The following CHN1 variants were observed in gnomAD, a reference collection of about 807,000 sequenced individuals.
The protein encoded by CHN1 is N-chimaerin.
A neutral mutation model predicts 59.5 loss-of-function variants in CHN1; 37 were observed. The observed-to-expected ratio is 0.62, with a 90% confidence interval of 0.48 to 0.82. The LOEUF is 0.82. Among genes scored for constraint, CHN1 ranks in the 40% least tolerant of loss-of-function variants. The pLI, the probability that CHN1 is intolerant of heterozygous loss-of-function variation, is 0.00. For missense variants in CHN1, 469 were observed against 571.0 expected (o/e 0.82, Z 1.82); for synonymous variants, 206 against 200.4 (o/e 1.03, Z -0.24).
chr2:174,958,271 C>A (rs1396119599), intron 1 of CHN1, among the ~76,000 whole-genome samples: 1 of 152,194 alleles, frequency 6.6e-6, no homozygotes, highest in African/African-American at 2.4e-5. Flanking sequence ...CTGTCCTGTG[C>A]CTGTCTTCCC....
At chr2:174,936,278 C>T (rs1489719729) in intron 3 of CHN1, among the ~76,000 whole-genome samples, 1 of 152,138 alleles carries the variant, frequency 6.6e-6, no homozygotes, top group Non-Finnish European at 1.5e-5. Flanking sequence ...CACTACATTT[C>T]CCACTGTGTG....
chr2:174,915,377 C>T (rs987645756), intron 4 of CHN1: 3 of 549,166 alleles, frequency 5.5e-6, no homozygotes, highest in African/African-American at 3.8e-5. Context: ...ATAAGAACAG[C>T]ACCAAAGTAC....
At chr2:174,811,732 A>C in intron 9 of CHN1, 144 bp from the exon 10 acceptor site, 2 of 554,320 alleles carry the variant, frequency 3.6e-6, no homozygotes, top group Admixed American at 6.9e-5. Context: ...TCCTAGAATA[A>C]AACGATTTCA....
intron 10 of CHN1, chr2:174,811,268 C>T: frequency 2.7e-6 from 1 of 367,990 alleles, no homozygotes; most frequent in South Asian, 4.9e-5. Flanking sequence ...GAACATGGAC[C>T]AGCCTTGGAT....
At chr2:174,962,018 G>A (rs1025364088) in intron 1 of CHN1, among the ~76,000 whole-genome samples, 4 of 152,132 alleles carry the variant, frequency 2.6e-5, no homozygotes, top group Non-Finnish European at 5.9e-5. Context: ...CAGGCGCGGT[G>A]GCTCACGCCT....
intron 7 of CHN1, among the ~76,000 whole-genome samples, chr2:174,843,063 C>A (rs546665720): frequency 1.3e-5 from 2 of 152,090 alleles, no homozygotes; most frequent in African/African-American, 2.4e-5. Context: ...AGTAGCCTAG[C>A]TTCTGTCGTT....
chr2:174,920,952 T>C (rs560873191), intron 3 of CHN1: 53 of 429,270 alleles, frequency 1.2e-4, no homozygotes, highest in African/African-American at 6.4e-4. Flanking sequence ...TCATCAAGCA[T>C]TGGATTCTCA....
At chr2:174,978,944 T>C (rs1266946727) in intron 1 of CHN1, among the ~76,000 whole-genome samples, 2 of 152,230 alleles carry the variant, frequency 1.3e-5, no homozygotes, top group African/African-American at 2.4e-5. Context: ...CATTCACTCC[T>C]TCATTCATCC....
intron 5 of CHN1, among the ~76,000 whole-genome samples, chr2:174,896,317 C>T (rs1490852480): frequency 6.6e-6 from 1 of 152,088 alleles, no homozygotes; most frequent in African/African-American, 2.4e-5. Context: ...ACATCTTTAT[C>T]TGTATTCTCC....
At chr2:174,905,549 C>A (rs748567222) in intron 5 of CHN1, among the ~76,000 whole-genome samples, 1 of 151,844 alleles carries the variant, frequency 6.6e-6, no homozygotes, top group Admixed American at 6.6e-5. Flanking sequence ...AAAAACCATG[C>A]TGAGGATAAA....
chr2:174,864,768 T>A (rs1687166323), intron 6 of CHN1, among the ~76,000 whole-genome samples: 1 of 151,964 alleles, frequency 6.6e-6, no homozygotes, highest in Non-Finnish European at 1.5e-5. Context: ...GAGGCTCAGG[T>A]AGGAGGATTG....
intron 1 of CHN1, among the ~76,000 whole-genome samples, chr2:175,004,434 CA>C (rs922171115): frequency 4.7e-5 from 7 of 149,378 alleles, no homozygotes; most frequent in Admixed American, 3.3e-4. Flanking sequence ...ATACTGAGTC[CA>C]AAAAAAAAAT....
intron 1 of CHN1, among the ~76,000 whole-genome samples, chr2:174,986,067 GAGATT>G (rs1355059559): frequency 1.3e-5 from 2 of 152,090 alleles, no homozygotes; most frequent in African/African-American, 4.8e-5. Flanking sequence ...TTGTGGATTT[GAGATT>G]AGATTATTCT....
intron 1 of CHN1, among the ~76,000 whole-genome samples, chr2:174,986,379 T>G (rs1691340948): frequency 6.6e-6 from 1 of 152,138 alleles, no homozygotes; most frequent in Non-Finnish European, 1.5e-5. Flanking sequence ...AATAGACACA[T>G]CCATAGATCC....
chr2:174,990,227 G>T (rs912761310), intron 1 of CHN1, among the ~76,000 whole-genome samples: 1 of 135,912 alleles, frequency 7.4e-6, no homozygotes, highest in Non-Finnish European at 1.6e-5. Flanking sequence ...TGTGTGTGTG[G>T]TGTGTCTGTG....
At chr2:174,940,692 T>G (rs2105399319) in intron 3 of CHN1, among the ~76,000 whole-genome samples, 1 of 152,338 alleles carries the variant, frequency 6.6e-6, no homozygotes. Flanking sequence ...TTTCACTGTA[T>G]CACTTCAGGA....
intron 4 of CHN1, among the ~76,000 whole-genome samples, chr2:174,915,947 A>T (rs913302915): frequency 6.6e-6 from 1 of 152,250 alleles, no homozygotes; most frequent in African/African-American, 2.4e-5. Context: ...AAGATAATGA[A>T]GGAATTCAGG....
intron 1 of CHN1, among the ~76,000 whole-genome samples, chr2:174,965,736 C>T (rs778985468): frequency 6.6e-6 from 1 of 152,138 alleles, no homozygotes; most frequent in African/African-American, 2.4e-5. Flanking sequence ...TCCTGTACTG[C>T]TTTAATCCAA....
intron 6 of CHN1, among the ~76,000 whole-genome samples, chr2:174,851,427 A>G (rs2105442055): frequency 6.6e-6 from 1 of 152,228 alleles, no homozygotes; most frequent in African/African-American, 2.4e-5. Flanking sequence ...CTAGAGGCAC[A>G]TGCCACTACA....
Sources: gnomAD v4.1 joint callset for allele counts (sites outside exome capture counted in the v4.1 genomes callset) on GRCh38, gnomAD v4.1.1 for gene constraint, MANE v1.5 for transcripts, NCBI Gene and HGNC (gene_info 2026-07-23, HGNC 2026-07-21) for gene names.